LARGE1: variants seen among roughly 807,000 people sequenced by gnomAD.
The protein encoded by LARGE1 is LARGE xylosyl- and glucuronyltransferase 1, also known as xylosyl- and glucuronyltransferase LARGE1.
A neutral mutation model predicts 87.6 loss-of-function variants in LARGE1; 43 were observed. That is an observed-to-expected ratio of 0.49 (90% CI 0.38 to 0.63). The LOEUF is 0.63. Among genes scored for constraint, LARGE1 ranks in the 30% least tolerant of loss-of-function variants. The pLI, the probability that LARGE1 is intolerant of heterozygous loss-of-function variation, is 0.00. For synonymous variants in LARGE1, 434 were observed against 394.6 expected (o/e 1.10, Z -1.18); for missense variants, 802 against 1,000.2 (o/e 0.80, Z 2.67).
At chr22:33,861,393 C>A (rs1222992210) in intron 1 of LARGE1, among the ~76,000 whole-genome samples, 5 of 151,834 alleles carry the variant, frequency 3.3e-5, no homozygotes, top group Admixed American at 6.6e-5. Context: ...CACCTACACA[C>A]ACACACAAAC....
the LARGE1 span, among the ~76,000 whole-genome samples, chr22:33,094,874 ACACC>A: frequency 6.6e-6 from 1 of 152,172 alleles, no homozygotes; most frequent in South Asian, 2.1e-4. Context: ...ATGCACCACC[ACACC>A]TGGCTAATTT....
intron 9 of LARGE1, among the ~76,000 whole-genome samples, chr22:33,373,495 T>C (rs764415043): frequency 6.6e-6 from 1 of 152,210 alleles, no homozygotes; most frequent in Non-Finnish European, 1.5e-5. Context: ...TTCAGATTCA[T>C]GTCTCAGAAG....
At chr22:33,483,114 T>C (rs1266761148) in intron 6 of LARGE1, among the ~76,000 whole-genome samples, 2 of 152,234 alleles carry the variant, frequency 1.3e-5, no homozygotes, top group East Asian at 1.9e-4. Context: ...TCCTTTCTAC[T>C]TGTAAAATTT....
intron 5 of LARGE1, among the ~76,000 whole-genome samples, chr22:33,598,189 C>A (rs185482169): frequency 3.3e-5 from 5 of 152,258 alleles, no homozygotes; most frequent in African/African-American, 1.2e-4. Flanking sequence ...ATACTGGAGT[C>A]AGACAGTTCT....
At chr22:33,726,108 T>A (rs971257632) in intron 2 of LARGE1, 36 of 151,532 alleles carry the variant, frequency 2.4e-4, no homozygotes, top group African/African-American at 7.8e-4. Context: ...TTTTTTTTTT[T>A]TTTCCAGTTG....
chr22:33,758,077 C>G (rs2084586071), intron 2 of LARGE1, among the ~76,000 whole-genome samples: 1 of 152,184 alleles, frequency 6.6e-6, no homozygotes, highest in African/African-American at 2.4e-5. Flanking sequence ...GCAGCTCATT[C>G]CAGCTCTGGT....
chr22:33,766,065 G>C (rs114571696), intron 1 of LARGE1, among the ~76,000 whole-genome samples: 1 of 152,130 alleles, frequency 6.6e-6, no homozygotes. Flanking sequence ...TATATCAGAA[G>C]TTACTCCAGG....
At chr22:33,471,919 G>A (rs2068858793) in intron 6 of LARGE1, among the ~76,000 whole-genome samples, 3 of 152,036 alleles carry the variant, frequency 2.0e-5, no homozygotes, top group Non-Finnish European at 2.9e-5. Context: ...GCGTGGTGGC[G>A]GGTGCCTGTA....
chr22:33,077,703 T>C, the LARGE1 span, among the ~76,000 whole-genome samples: 1 of 152,186 alleles, frequency 6.6e-6, no homozygotes, highest in African/African-American at 2.4e-5. Context: ...ATTATGCATA[T>C]TTTACCTGAT....
the LARGE1 span, among the ~76,000 whole-genome samples, chr22:33,074,440 C>T: frequency 6.6e-6 from 1 of 152,106 alleles, no homozygotes; most frequent in Admixed American, 6.5e-5. Flanking sequence ...TTTGGGAGGC[C>T]GAGGTGGGCA....
chr22:33,665,448 G>GC (rs2081242002), intron 2 of LARGE1, among the ~76,000 whole-genome samples: 1 of 152,168 alleles, frequency 6.6e-6, no homozygotes, highest in Admixed American at 6.5e-5. Flanking sequence ...AGCAACTTTT[G>GC]CAACAGTTCA....
intron 9 of LARGE1, among the ~76,000 whole-genome samples, chr22:33,350,378 T>G (rs1291203895): frequency 1.3e-5 from 2 of 152,234 alleles, no homozygotes; most frequent in Admixed American, 1.3e-4. Flanking sequence ...CCAGGAGTGA[T>G]AACCAGCCCG....
intron 11 of LARGE1, among the ~76,000 whole-genome samples, chr22:33,188,897 C>T (rs137407): frequency 0.42 from 64,322 of 151,858 alleles, 13,952 homozygotes; most frequent in Middle Eastern, 0.47. Flanking sequence ...TATTGCCTGT[C>T]AGCAGTAACC....
intron 2 of LARGE1, among the ~76,000 whole-genome samples, chr22:33,655,996 TACTTA>T (rs1243678043): frequency 1.3e-5 from 2 of 152,032 alleles, no homozygotes; most frequent in Non-Finnish European, 2.9e-5. Flanking sequence ...TTAGGCAAAA[TACTTA>T]ACTTTTCTGT....
chr22:33,145,459 T>G, the LARGE1 span, among the ~76,000 whole-genome samples: 3 of 152,184 alleles, frequency 2.0e-5, no homozygotes, highest in African/African-American at 7.2e-5. Context: ...TTCAGAATGC[T>G]GTCAAGGTGG....
intron 1 of LARGE1, among the ~76,000 whole-genome samples, chr22:33,887,646 G>A (rs1434908210): frequency 6.6e-6 from 1 of 152,022 alleles, no homozygotes; most frequent in Non-Finnish European, 1.5e-5. Flanking sequence ...ACTGAGGCAG[G>A]AGAACTGCTT....
At chr22:33,407,981 C>A (rs1601734303) in intron 7 of LARGE1, among the ~76,000 whole-genome samples, 1 of 139,560 alleles carries the variant, frequency 7.2e-6, no homozygotes, top group African/African-American at 2.6e-5. Flanking sequence ...GGAAGATAAA[C>A]TTTTTTTTTT....
chr22:33,512,925 T>C (rs2071122795), intron 6 of LARGE1, among the ~76,000 whole-genome samples: 1 of 152,234 alleles, frequency 6.6e-6, no homozygotes, highest in Non-Finnish European at 1.5e-5. Context: ...TACTCTATAA[T>C]AAGCAAACAC....
the LARGE1 span, among the ~76,000 whole-genome samples, chr22:33,143,306 T>G: frequency 6.6e-6 from 1 of 152,090 alleles, no homozygotes; most frequent in African/African-American, 2.4e-5. Context: ...TATTTGAGAT[T>G]TAGCTATTCT....
Sources: gnomAD v4.1 joint callset for allele counts (sites outside exome capture counted in the v4.1 genomes callset) on GRCh38, gnomAD v4.1.1 for gene constraint, MANE v1.5 for transcripts, NCBI Gene and HGNC (gene_info 2026-07-23, HGNC 2026-07-21) for gene names.